The following SLC2A10 variants were observed in gnomAD, a reference collection of about 807,000 sequenced individuals.
SLC2A10 encodes solute carrier family 2 member 10.
A neutral mutation model predicts 32.1 loss-of-function variants in SLC2A10; 25 were observed. The observed-to-expected ratio is 0.78, with a 90% CI of 0.57 to 1.09. The LOEUF (loss-of-function observed/expected upper bound fraction) is 1.09, where lower values mean the gene tolerates loss of function less well. SLC2A10 is among the 50% of genes least tolerant of loss of function. The pLI is 0.00. For missense variants in SLC2A10, 673 were observed against 686.5 expected, an observed-to-expected ratio of 0.98 and a Z score of 0.22; for synonymous variants, 332 against 309.6, an observed-to-expected ratio of 1.07 and a Z score of -0.76.
At chr20:46,710,258 A>G (rs527916652) in intron 1 of SLC2A10, 7 of 390,352 alleles carry the variant, frequency 1.8e-5, no homozygotes, top group African/African-American at 1.4e-4. Flanking sequence ...TTGGGGTGGG[A>G]CGCGTGGGGA....
At chr20:46,729,154 G>A (rs1980137790) in intron 3 of SLC2A10, among the ~76,000 whole-genome samples, 199 bp from the exon 4 acceptor site, 1 of 152,144 alleles carries the variant, frequency 6.6e-6, no homozygotes, top group Non-Finnish European at 1.5e-5. Flanking sequence ...GCTCATCCCC[G>A]CCTTTGAGAC....
Position 46,729,476 on chromosome 20 carries a change from T to C in SLC2A10, c.1535T>C (p.Phe512Ser), listed in dbSNP as rs778939639. The C allele has an allele frequency of 6.2e-7, 1 of 1,613,986 alleles. No homozygotes were observed. Among genetic ancestry groups the C allele is most frequent in the South Asian group, 1.1e-5 (1 of 91,072 alleles). The change falls in exon 4 of 5, where the codon TTC becomes TCC. Residue 512 changes from phenylalanine (F) to serine (S), a missense_variant. Physicochemically the swap from Phe to Ser is radical, Grantham distance 155. Coordinates refer to ENST00000359271, the MANE Select transcript of SLC2A10 (RefSeq NM_030777.4). ...TCGTTGGCAGAGATAGACCAGCAGT[T>C]CCAGAAGAGACGGTAGGAAGCTGAC... ...GQSLAEIDQQ[F>S]QKRRFTLSFG...
In SLC2A10 at chr20:46,725,669, G is replaced by T; in HGVS notation, c.633G>T (p.Pro211=). The T allele has an allele frequency of 6.2e-7, 1 of 1,613,902 alleles. No individual in the cohort carries two copies. Among genetic ancestry groups the T allele is most frequent in the Non-Finnish European group, 8.5e-7 (1 of 1,179,942 alleles). The change falls in exon 2 of 5, where the codon CCG becomes CCT. Residue 211 remains proline (P), a synonymous_variant. Coordinates refer to ENST00000359271, the MANE Select transcript of SLC2A10 (RefSeq NM_030777.4). The stretch of plus-strand genomic sequence containing the variant: ...GAGGTGAGGCCCCCAAGCTGGGCCC[G>T]GGGAGGCCACGGTACTCCTTTCTGG... The part of the protein sequence containing the change: ...LQGGEAPKLG[P]GRPRYSFLDL...
intron 1 of SLC2A10, among the ~76,000 whole-genome samples, chr20:46,713,508 G>A (rs999913640): frequency 1.3e-5 from 2 of 152,166 alleles, no homozygotes; most frequent in African/African-American, 4.8e-5. Flanking sequence ...GAGAGTAGCA[G>A]CAAGGAACCA....
At chr20:46,733,597 T>A (rs1034907868) in intron 4 of SLC2A10, among the ~76,000 whole-genome samples, 159 bp from the exon 5 acceptor site, 4 of 151,932 alleles carry the variant, frequency 2.6e-5, no homozygotes, top group Admixed American at 2.0e-4. Context: ...GGGGTCCAGG[T>A]GAGAGAAGGT....
upstream of SLC2A10, among the ~76,000 whole-genome samples, chr20:46,708,700 C>A (rs530781171): frequency 2.0e-5 from 3 of 152,314 alleles, no homozygotes; most frequent in East Asian, 3.9e-4. Flanking sequence ...GTTAGAACTC[C>A]CCAGTTATCT....
chr20:46,717,812 C>T (rs1333688133), intron 1 of SLC2A10, among the ~76,000 whole-genome samples: 5 of 152,178 alleles, frequency 3.3e-5, no homozygotes, highest in Non-Finnish European at 7.3e-5. Flanking sequence ...TTTGAAAATG[C>T]AGACACTGAG....
chr20:46,735,689 T>C lies in SLC2A10; in HGVS notation c.*1855T>C, dbSNP rs1980533051. 6.6e-6 allele frequency: 1 copy of C among 152,236 alleles called. No homozygotes were observed. Among genetic ancestry groups the C allele is most frequent in the African/African-American group, 2.4e-5 (1 of 41,466 alleles). The allele number at this position is 152,236 out of a possible 1,614,324, so 9.4% of individuals were successfully genotyped here. ...GACTACACATCAGGGCTTGATTTAT[T>C]GTTTGTTGATTTTCTAGACTTCAGA... On this transcript the variant is annotated 3_prime_UTR_variant, in exon 5 of 5. Transcript: ENST00000359271.
chr20:46,726,291 T>G lies in SLC2A10; in HGVS notation c.1255T>G (p.Phe419Val). The G allele has an allele frequency of 6.2e-7, 1 of 1,611,922 alleles. No homozygotes were observed. The highest frequency in any genetic ancestry group is 1.1e-5 in the South Asian group (1 of 91,090). The change falls in exon 2 of 5, where the codon TTT (phenylalanine) becomes GTT (valine). Residue 419 changes from phenylalanine (F) to valine (V), a missense_variant. Transcript: ENST00000359271. ...RWTALLCLMV[F>V]VSAFSFGFGP... Reference sequence around the variant, plus strand: ...GACCGCACTGCTGTGCCTGATGGTCTTTGTCAGTGCCTTCTCCTTTGGGTT... The same window carrying G: ...GACCGCACTGCTGTGCCTGATGGTCGTTGTCAGTGCCTTCTCCTTTGGGTT...
intron 4 of SLC2A10, among the ~76,000 whole-genome samples, chr20:46,732,340 C>T (rs1400259841): frequency 6.6e-6 from 1 of 152,142 alleles, no homozygotes; most frequent in Non-Finnish European, 1.5e-5. Flanking sequence ...TCTCAGGAAT[C>T]GATTCATTCA....
Position 46,733,912 on chromosome 20 carries a change from G to T in SLC2A10, c.*78G>T. The T allele has an allele frequency of 4.3e-6, 6 of 1,409,826 alleles. 1 individual carries two copies. The South Asian group carries it at 7.1e-5, about 17-fold the overall frequency. 87.3% of individuals were successfully genotyped at this position (1,409,826 alleles called of 1,614,324 possible). A position where few individuals can be genotyped will look rare whatever the true frequency, so the allele number is the denominator to read the frequency against. ...AGCATCCTGCTTCCTAGGCCCCAGA[G>T]CACAAGTTCCAGCTGGTCTTTTGGG... is the stretch of plus-strand genomic sequence containing the variant. On this transcript the variant is annotated 3_prime_UTR_variant, in exon 5 of 5. Coordinates refer to ENST00000359271, the MANE Select transcript of SLC2A10 (RefSeq NM_030777.4).
chr20:46,725,131 C>T lies in SLC2A10; in HGVS notation c.95C>T (p.Ala32Val), dbSNP rs1488882150. 6.2e-7 allele frequency: 1 copy of T among 1,614,216 alleles called. No individual in the cohort carries two copies. Among genetic ancestry groups the T allele is most frequent in the Non-Finnish European group, 8.5e-7 (1 of 1,180,048 alleles). Residue 32 changes from alanine (A) to valine (V), a missense_variant, in exon 2 of 5, where the codon GCC becomes GTC. Transcript: ENST00000359271. ...TATGAACTGGCAGTCATATCAGGTG[C>T]CCTGCTGCCACTGCAGCTTGACTTT... ...FGYELAVISG[A>V]LLPLQLDFGL...
At chr20:46,733,278 G>A (rs890225193) in intron 4 of SLC2A10, among the ~76,000 whole-genome samples, 1 of 152,122 alleles carries the variant, frequency 6.6e-6, no homozygotes, top group South Asian at 2.1e-4. Context: ...GGAGCAGGGG[G>A]TGGTGCTGCA....
upstream of SLC2A10, chr20:46,709,600 C>T: frequency 9.0e-7 from 1 of 1,112,580 alleles, no homozygotes; most frequent in Non-Finnish European, 1.2e-6. Context: ...GCGCTGCGCG[C>T]GGGAGGGCAG....
chr20:46,726,162 C>G lies in SLC2A10; in HGVS notation c.1126C>G (p.Pro376Ala). ...CTTGTCCACTGCTAAGAAAACCAAG[C>G]CCCATCCCAGATCTGGAGACCCCTC... The part of the protein sequence containing the change: ...PILSTAKKTK[P>A]HPRSGDPSAP... Residue 376 changes from proline (P) to alanine (A), a missense_variant, in exon 2 of 5, where the codon CCC becomes GCC. Physicochemically the swap from Pro to Ala is conservative, Grantham distance 27 (BLOSUM62 -1). Transcript: ENST00000359271. 1.2e-6 allele frequency: 2 copies of G among 1,614,260 alleles called. No individual in the cohort carries two copies. Among genetic ancestry groups the G allele is most frequent in the Non-Finnish European group, 1.7e-6 (2 of 1,180,042 alleles).
At chr20:46,724,915 A>G in intron 1 of SLC2A10, 126 bp from the exon 2 acceptor site, 1 of 1,115,198 alleles carries the variant, frequency 9.0e-7, no homozygotes, top group Non-Finnish European at 1.3e-6. Flanking sequence ...GTTTGAATGG[A>G]TGGTTGAATA....
At chr20:46,724,913 G>T in intron 1 of SLC2A10, 128 bp from the exon 2 acceptor site, 1 of 1,232,124 alleles carries the variant, frequency 8.1e-7, no homozygotes, top group Non-Finnish European at 1.2e-6. Flanking sequence ...TGGTTTGAAT[G>T]GATGGTTGAA....
intron 1 of SLC2A10, among the ~76,000 whole-genome samples, chr20:46,724,476 A>T (rs1354847028): frequency 6.6e-6 from 1 of 152,172 alleles, no homozygotes; most frequent in Non-Finnish European, 1.5e-5. Flanking sequence ...ATAAATGGAC[A>T]TGCAGATGGA....
chr20:46,715,233 C>CATTTGTTT (rs1555886971), intron 1 of SLC2A10, among the ~76,000 whole-genome samples: 1 of 151,138 alleles, frequency 6.6e-6, no homozygotes, highest in South Asian at 2.1e-4. Context: ...TTTTATTTCA[C>CATTTGTTT]GTTTGTTTGT....
Sources: gnomAD v4.1 joint callset for allele counts (sites outside exome capture counted in the v4.1 genomes callset) on GRCh38, gnomAD v4.1.1 for gene constraint, MANE v1.5 for transcripts, NCBI Gene and HGNC (gene_info 2026-07-23, HGNC 2026-07-21) for gene names.